TRIM37: variants seen among roughly 807,000 people sequenced by gnomAD.
TRIM37 encodes E3 ubiquitin-protein ligase TRIM37.
In TRIM37, 80 loss-of-function variants were observed where a neutral mutation model predicts 129.8. The observed-to-expected ratio is 0.62, with a 90% CI of 0.51 to 0.74. TRIM37 has a LOEUF of 0.74. Among genes scored for constraint, TRIM37 ranks in the 30% least tolerant of loss-of-function variants. TRIM37 has a pLI of 0.00. For missense variants in TRIM37, 1,054 were observed against 1,176.5 expected (o/e 0.90, Z 1.52); for synonymous variants, 389 against 387.1 (o/e 1.00, Z -0.06).
intron 17 of TRIM37, among the ~76,000 whole-genome samples, chr17:59,039,136 T>C (rs2038869798): frequency 6.6e-6 from 1 of 152,182 alleles, no homozygotes; most frequent in South Asian, 2.1e-4. Flanking sequence ...AAAGTAAACA[T>C]GAAATGCATG....
chr17:59,031,633 T>C (rs1431397666), intron 18 of TRIM37, among the ~76,000 whole-genome samples: 2 of 152,248 alleles, frequency 1.3e-5, no homozygotes, highest in African/African-American at 2.4e-5. Context: ...GTATTTCATA[T>C]GGATCAAACT....
At chr17:58,984,878 A>G (rs948156037) in intron 24 of TRIM37, 3 of 152,696 alleles carry the variant, frequency 2.0e-5, no homozygotes, top group African/African-American at 7.2e-5. Flanking sequence ...ACTTTGATGA[A>G]TTAGATAATC....
rs2004731389 is a variant in TRIM37, at chr17:59,001,890, T to A, written c.2696-176A>T. The A allele has an allele frequency of 4.3e-6, 4 of 919,702 alleles. No homozygotes were observed. In the African/African-American group the frequency reaches 5.0e-5, roughly 11 times the overall value. 57.0% of individuals were successfully genotyped at this position (919,702 alleles called of 1,614,324 possible). ...CAAAAGTAACCGCACAAACCTCGAT[T>A]CTCTTTAGCTATTTAGAGTGGTTTT... On this transcript the variant is annotated intron_variant, in intron 22 of 23. Transcript: ENST00000262294.
intron 22 of TRIM37, among the ~76,000 whole-genome samples, chr17:59,006,295 T>C (rs546743209): frequency 6.6e-6 from 1 of 152,280 alleles, no homozygotes; most frequent in East Asian, 1.9e-4. Flanking sequence ...CTTCAGAGAT[T>C]GTTAACGCAA....
chr17:59,031,152 T>C (rs993595771), intron 18 of TRIM37, among the ~76,000 whole-genome samples: 10 of 152,190 alleles, frequency 6.6e-5, no homozygotes, highest in Non-Finnish European at 1.2e-4. Context: ...TGGACTTTGA[T>C]TGAAAAATGA....
intron 1 of TRIM37, among the ~76,000 whole-genome samples, chr17:59,104,978 G>A (rs1195960181): frequency 1.3e-5 from 2 of 151,534 alleles, no homozygotes; most frequent in African/African-American, 4.9e-5. Context: ...TGTAATCCCA[G>A]CTACACAGGA....
At chr17:58,996,791 T>TAA (rs2033052904), downstream of TRIM37, among the ~76,000 whole-genome samples, 1 of 134,032 alleles carries the variant, frequency 7.5e-6, no homozygotes. Context: ...AGTATATATA[T>TAA]ATGTGTGTGT....
chr17:59,004,701 T>C (rs1598830576), intron 22 of TRIM37, among the ~76,000 whole-genome samples: 1 of 152,204 alleles, frequency 6.6e-6, no homozygotes, highest in Admixed American at 6.5e-5. Flanking sequence ...GAGCAAATTC[T>C]TTCCTAGGTA....
At chr17:59,019,269 G>C (rs1359305675) in intron 19 of TRIM37, among the ~76,000 whole-genome samples, 1 of 152,176 alleles carries the variant, frequency 6.6e-6, no homozygotes, top group Non-Finnish European at 1.5e-5. Context: ...CAACTAATGA[G>C]TGGATAAACA....
chr17:59,038,437 T>C (rs2038794923), intron 17 of TRIM37, among the ~76,000 whole-genome samples: 1 of 152,160 alleles, frequency 6.6e-6, no homozygotes, highest in Non-Finnish European at 1.5e-5. Flanking sequence ...ACTGGTTCAT[T>C]ATTATGTCTT....
intron 15 of TRIM37, among the ~76,000 whole-genome samples, chr17:59,048,521 G>A (rs1158758722): frequency 6.6e-6 from 1 of 152,158 alleles, no homozygotes; most frequent in Non-Finnish European, 1.5e-5. Flanking sequence ...GCTAGCTACC[G>A]AATCCTAAAT....
chr17:58,975,653 C>G, the TRIM37 span, among the ~76,000 whole-genome samples: 1 of 152,052 alleles, frequency 6.6e-6, no homozygotes, highest in Admixed American at 6.6e-5. Context: ...GCAACAAGTC[C>G]AGGAGGTTAG....
Position 59,051,317 on chromosome 17 carries a change from C to T in TRIM37, c.1211G>A (p.Arg404His), listed in dbSNP as rs747281012. ...GGATTTTTGAAAGAAAGTTGGTGAA[C>T]GTACCTGAAACCTTAAAAGAATTGT... ...NDTVILRFQVRSPTFFQKSRD... is the reference protein window; with the variant it reads ...NDTVILRFQVHSPTFFQKSRD... Residue 404 changes from arginine to histidine, a missense_variant, in exon 14 of 24, where the codon CGT becomes CAT. By Grantham distance (29) the Arg-to-His change is conservative. Around this residue, in one of 3 missense-constraint regions of TRIM37, gnomAD observed 752 missense variants for 870.8 expected, o/e 0.86. Transcript: ENST00000262294. The T allele has an allele frequency of 3.7e-6, 6 of 1,610,878 alleles. No homozygotes were observed. Among genetic ancestry groups the T allele is most frequent in the Non-Finnish European group, 4.2e-6 (5 of 1,177,556 alleles).
chr17:59,094,508 C>T (rs1355199703), intron 2 of TRIM37, among the ~76,000 whole-genome samples: 2 of 152,036 alleles, frequency 1.3e-5, no homozygotes, highest in East Asian at 3.9e-4. Context: ...TGACTGAGCT[C>T]GTCTCCTCAT....
chr17:58,983,189 A>C (rs1032584320), intron 24 of TRIM37: 8 of 362,958 alleles, frequency 2.2e-5, no homozygotes, highest in Non-Finnish European at 4.0e-5. Flanking sequence ...AGCAGTGTTA[A>C]CTCATTTCTC....
At chr17:58,992,245 TGA>T (rs1567915088) in intron 24 of TRIM37, among the ~76,000 whole-genome samples, 1 of 22,982 alleles carries the variant, frequency 4.4e-5, no homozygotes, top group Admixed American at 7.9e-4. Context: ...CCAGGCACAC[TGA>T]TATATATATA....
chr17:59,052,423 C>A (rs1001030066), intron 13 of TRIM37, among the ~76,000 whole-genome samples: 1 of 152,118 alleles, frequency 6.6e-6, no homozygotes, highest in Non-Finnish European at 1.5e-5. Flanking sequence ...GTTAGCTGTT[C>A]ATTTTTTTCT....
At position 59,012,435 on chromosome 17, in the gene TRIM37, T is replaced by C; in HGVS notation, c.2588A>G (p.Lys863Arg). 1 of 1,602,678 alleles carries C rather than the reference T, an allele frequency of 6.2e-7. No individual in the cohort carries two copies. Among genetic ancestry groups the C allele is most frequent in the South Asian group, 1.1e-5 (1 of 90,912 alleles). Residue 863 changes from lysine to arginine, a missense_variant, in exon 22 of 24, where the codon AAA becomes AGA. Lys to Arg is a conservative substitution (Grantham distance 26). Around this residue, in one of 3 missense-constraint regions of TRIM37, gnomAD observed 287 missense variants for 274.3 expected, o/e 1.05. Transcript: ENST00000262294. ...CTGCAGTCCTTCCAGATGACCTCCT[T>C]TAGCATTAGCCCTCAAAGAAGAAAA... ...RKMVTLGANA[K>R]GGHLEGLQMT... is the part of the protein sequence containing the mutation.
intron 16 of TRIM37, among the ~76,000 whole-genome samples, chr17:59,043,835 C>T (rs1356981219): frequency 1.3e-5 from 2 of 152,224 alleles, no homozygotes; most frequent in African/African-American, 4.8e-5. Context: ...TTTATCCTTA[C>T]TCCAACTTCA....
Sources: gnomAD v4.1 joint callset for allele counts (sites outside exome capture counted in the v4.1 genomes callset) on GRCh38, gnomAD v4.1.1 for gene constraint, gnomAD v4.1.1 regional missense constraint, MANE v1.5 for transcripts, NCBI Gene and HGNC (gene_info 2026-07-23, HGNC 2026-07-21) for gene names.